Variants in EXT1 observed in about 807,000 individuals in gnomAD.
EXT1 encodes exostosin glycosyltransferase 1, also known as exostosin-1.
Under a neutral mutation model 82.5 loss-of-function variants are expected in EXT1, and 20 were observed. That is an observed-to-expected ratio of 0.24 (90% CI 0.17 to 0.35). The LOEUF (loss-of-function observed/expected upper bound fraction) is 0.35, where lower values mean the gene tolerates loss of function less well. Among genes scored for constraint, EXT1 ranks in the 10% least tolerant of loss-of-function variants. The pLI is 1.00. For synonymous variants in EXT1, 348 were observed against 350.8 expected, an observed-to-expected ratio of 0.99 and a Z score of 0.09; for missense variants, 757 against 936.5, an observed-to-expected ratio of 0.81 and a Z score of 2.50.
intron 1 of EXT1, among the ~76,000 whole-genome samples, chr8:118,022,638 CAA>C (rs113277665): frequency 1.5e-5 from 2 of 137,624 alleles, no homozygotes. Context: ...ACGCCTGGCC[CAA>C]AAAAAAAAAA....
intron 1 of EXT1, among the ~76,000 whole-genome samples, chr8:118,056,655 G>C (rs1816799526): frequency 6.6e-6 from 1 of 152,136 alleles, no homozygotes; most frequent in Non-Finnish European, 1.5e-5. Context: ...CATGAGGAAG[G>C]CTAGGAAGGA....
chr8:117,831,762 C>T (rs1812103045), intron 3 of EXT1: 2 of 446,868 alleles, frequency 4.5e-6, no homozygotes, highest in Non-Finnish European at 9.2e-6. Context: ...GAAGTGGTAG[C>T]ACATTTTTTA....
At chr8:117,956,689 C>T (rs562750694) in intron 1 of EXT1, among the ~76,000 whole-genome samples, 4 of 152,266 alleles carry the variant, frequency 2.6e-5, no homozygotes, top group East Asian at 1.9e-4. Flanking sequence ...TCAGGTGATC[C>T]GGCTGCCTTG....
intron 1 of EXT1, among the ~76,000 whole-genome samples, chr8:117,926,758 C>T (rs2129642051): frequency 6.6e-6 from 1 of 152,260 alleles, no homozygotes; most frequent in Non-Finnish European, 1.5e-5. Context: ...AACAAAAACG[C>T]TTATATAAAA....
chr8:117,823,021 C>T (rs17503307), intron 4 of EXT1, among the ~76,000 whole-genome samples: 9,211 of 152,132 alleles, frequency 0.061, 763 homozygotes, highest in African/African-American at 0.18. Context: ...AGATGCTAAA[C>T]GGAAAGCATA....
At position 117,942,847 on chromosome 8, in the gene EXT1, T is replaced by C. The variant is rs1044762832; in HGVS notation, c.963-105646A>G. Among the ~76,000 whole-genome samples the C allele has an allele frequency of 2.6e-5, 4 of 152,328 alleles. No homozygotes were observed. In the East Asian group the frequency reaches 7.7e-4, roughly 29 times the overall value. ...AACGCTATGATCCTAATTCTACAAGTTGAATAAATTGGATGGCCCAGGGTC... is the reference window on the plus strand; with the variant it reads ...AACGCTATGATCCTAATTCTACAAGCTGAATAAATTGGATGGCCCAGGGTC... On this transcript the variant is annotated intron_variant, in intron 1 of 10. Transcript: ENST00000378204.
chr8:117,973,192 G>A (rs954150089), intron 1 of EXT1, among the ~76,000 whole-genome samples: 2 of 152,156 alleles, frequency 1.3e-5, no homozygotes, highest in Admixed American at 1.3e-4. Context: ...TTCAATGTGG[G>A]CATCCTCATG....
chr8:117,835,813 G>A (rs916977411), intron 2 of EXT1, among the ~76,000 whole-genome samples: 1 of 152,204 alleles, frequency 6.6e-6, no homozygotes, highest in African/African-American at 2.4e-5. Context: ...TGGTTTGGCT[G>A]ACCTTACTTC....
chr8:117,804,776 C>T lies in EXT1; in HGVS notation c.2001G>A (p.Leu667=). The T allele has an allele frequency of 6.2e-7, 1 of 1,614,098 alleles. No individual in the cohort carries two copies. Among genetic ancestry groups the T allele is most frequent in the Non-Finnish European group, 8.5e-7 (1 of 1,179,986 alleles). ...TCTTCTGGGTCACTTTGATTGGAGG[C>T]AATTTTGTCACAGCAGACACCAGGA... ...MNFLVSAVTK[L]PPIKVTQKKQ... is the part of the protein sequence containing the mutation. The change falls in exon 10 of 11, where the codon TTG becomes TTA. Residue 667 remains leucine, a synonymous_variant. Transcript: ENST00000378204.
At chr8:117,830,082 G>GT in intron 4 of EXT1, 148 bp downstream of exon 4, 1 of 989,524 alleles carries the variant, frequency 1.0e-6, no homozygotes, top group South Asian at 1.4e-5. Flanking sequence ...GGCAAAGCAG[G>GT]TAAAAGAGGT....
At chr8:117,900,091 T>C (rs1202682368) in intron 1 of EXT1, among the ~76,000 whole-genome samples, 2 of 152,152 alleles carry the variant, frequency 1.3e-5, no homozygotes, top group Admixed American at 6.5e-5. Flanking sequence ...GGAAATCCAA[T>C]GAGAAAACAG....
At chr8:117,835,864 G>A (rs372585442) in intron 2 of EXT1, among the ~76,000 whole-genome samples, 3 of 152,106 alleles carry the variant, frequency 2.0e-5, no homozygotes, top group African/African-American at 7.2e-5. Flanking sequence ...TTTTATTGAC[G>A]TAACAAAAGC....
At chr8:118,011,071 G>A (rs1167550887) in intron 1 of EXT1, among the ~76,000 whole-genome samples, 1 of 152,042 alleles carries the variant, frequency 6.6e-6, no homozygotes, top group East Asian at 1.9e-4. Flanking sequence ...GACTCATCTG[G>A]TCAGCTATGG....
At chr8:118,098,758 CAAAA>C (rs3050886) in intron 1 of EXT1, among the ~76,000 whole-genome samples, 9 of 128,120 alleles carry the variant, frequency 7.0e-5, no homozygotes, top group African/African-American at 8.9e-5. Flanking sequence ...GACTCTGTCT[CAAAA>C]AAAAAAAAAA....
intron 3 of EXT1, among the ~76,000 whole-genome samples, chr8:117,833,983 T>C (rs1339742683): frequency 1.3e-5 from 2 of 152,176 alleles, no homozygotes; most frequent in African/African-American, 4.8e-5. Context: ...GGGAAATCAT[T>C]GGCATAAAAG....
At chr8:117,833,792 T>C (rs1812140970) in intron 3 of EXT1, among the ~76,000 whole-genome samples, 1 of 152,164 alleles carries the variant, frequency 6.6e-6, no homozygotes, top group African/African-American at 2.4e-5. Context: ...TTAATGATCA[T>C]GTATTATTTT....
At position 117,839,948 on chromosome 8, in the gene EXT1, T is replaced by C. The variant is rs145002443; in HGVS notation, c.963-2747A>G. On this transcript the variant is annotated intron_variant, in intron 1 of 10. Transcript: ENST00000378204. ...ATGCTGATGAGATGAGAATTTAAGA[T>C]ATAAACATCTCCTGGGAGTATTTGC... is the stretch of plus-strand genomic sequence containing the variant. 1.8e-3 allele frequency among the ~76,000 whole-genome samples: 276 copies of C among 152,302 alleles called. 2 individuals carry two copies. The highest frequency in any genetic ancestry group is 3.9e-3 in the Admixed American group (60 of 15,288).
intron 10 of EXT1, 150 bp downstream of exon 10, chr8:117,804,572 C>T (rs926691967): frequency 3.5e-6 from 3 of 862,232 alleles, no homozygotes; most frequent in East Asian, 2.5e-5. Flanking sequence ...ACCAATCATA[C>T]ACTCTTTTCT....
intron 1 of EXT1, among the ~76,000 whole-genome samples, chr8:118,069,631 G>C (rs542787271): frequency 6.6e-6 from 1 of 152,250 alleles, no homozygotes; most frequent in South Asian, 2.1e-4. Context: ...ACCAGGAAAT[G>C]GTATTTGAAT....
Sources: allele counts gnomAD v4.1 joint callset (sites outside exome capture counted in the v4.1 genomes callset), GRCh38; gene constraint gnomAD v4.1.1; transcripts MANE v1.5; gene names NCBI Gene and HGNC (gene_info 2026-07-23, HGNC 2026-07-21).